MGAT4C: variants seen among roughly 807,000 people sequenced by gnomAD.
The protein encoded by MGAT4C is alpha-1,3-mannosyl-glycoprotein 4-beta-N-acetylglucosaminyltransferase C.
Under a neutral mutation model 40.1 loss-of-function variants are expected in MGAT4C, and 19 were observed. That is an observed-to-expected ratio of 0.47 (90% CI 0.33 to 0.70). MGAT4C has a LOEUF of 0.70. Among genes scored for constraint, MGAT4C ranks in the 30% least tolerant of loss-of-function variants. The probability of loss-of-function intolerance (pLI) is 0.02; values close to 1 mark genes in which losing one functional copy is unlikely to be tolerated. For missense variants in MGAT4C, 491 were observed against 563.2 expected (o/e 0.87, Z 1.30); for synonymous variants, 181 against 187.1 (o/e 0.97, Z 0.27).
chr12:86,349,515 C>T (rs1955112366), intron 3 of MGAT4C, among the ~76,000 whole-genome samples: 1 of 152,166 alleles, frequency 6.6e-6, no homozygotes, highest in Admixed American at 6.6e-5. Flanking sequence ...TTTCTAGCCA[C>T]ATTCTGCAGA....
chr12:86,494,353 A>T (rs1958197534), intron 2 of MGAT4C, among the ~76,000 whole-genome samples: 1 of 151,922 alleles, frequency 6.6e-6, no homozygotes, highest in Non-Finnish European at 1.5e-5. Flanking sequence ...TATTTGATAA[A>T]ATTCAAATAC....
At chr12:86,080,056 C>T (rs187918436) in intron 1 of MGAT4C, among the ~76,000 whole-genome samples, 10 of 152,144 alleles carry the variant, frequency 6.6e-5, no homozygotes, top group East Asian at 1.9e-4. Flanking sequence ...TGTTCTGTTA[C>T]GCTAGAGGGC....
At chr12:86,064,770 C>T (rs1426976767) in intron 1 of MGAT4C, among the ~76,000 whole-genome samples, 1 of 151,996 alleles carries the variant, frequency 6.6e-6, no homozygotes, top group Admixed American at 6.6e-5. Context: ...TCAATAAATC[C>T]AGGAGCTGGT....
At chr12:86,572,390 C>A (rs1472110722) in intron 2 of MGAT4C, among the ~76,000 whole-genome samples, 1 of 151,978 alleles carries the variant, frequency 6.6e-6, no homozygotes, top group African/African-American at 2.4e-5. Context: ...TTTCTATAAC[C>A]AATATGTCTC....
chr12:86,316,848 C>T (rs147943727), intron 4 of MGAT4C, among the ~76,000 whole-genome samples: 2,949 of 152,070 alleles, frequency 0.019, 41 homozygotes, highest in South Asian at 0.05. Context: ...TGCCTACGTA[C>T]CACTCATTCT....
At chr12:86,365,907 T>C (rs899482038) in intron 3 of MGAT4C, among the ~76,000 whole-genome samples, 3 of 152,172 alleles carry the variant, frequency 2.0e-5, no homozygotes, top group Non-Finnish European at 2.9e-5. Flanking sequence ...TAGAATAGGT[T>C]TTTCTAGTTC....
intron 1 of MGAT4C, among the ~76,000 whole-genome samples, chr12:86,123,844 A>T (rs774082957): frequency 6.6e-6 from 1 of 152,066 alleles, no homozygotes; most frequent in Non-Finnish European, 1.5e-5. Context: ...AATACGGACG[A>T]AGGATAGGCT....
intron 3 of MGAT4C, among the ~76,000 whole-genome samples, chr12:86,424,326 C>T (rs1193413679): frequency 6.6e-6 from 1 of 152,210 alleles, no homozygotes; most frequent in Non-Finnish European, 1.5e-5. Flanking sequence ...CTCTTCCAAT[C>T]ATCACAGGAA....
At chr12:86,637,804 A>G (rs552658083) in intron 2 of MGAT4C, among the ~76,000 whole-genome samples, 1 of 152,048 alleles carries the variant, frequency 6.6e-6, no homozygotes, top group African/African-American at 2.4e-5. Flanking sequence ...GACAGATCAT[A>G]CCCACGTTAT....
intron 1 of MGAT4C, among the ~76,000 whole-genome samples, chr12:86,748,878 A>C (rs558357759): frequency 6.6e-6 from 1 of 151,684 alleles, no homozygotes; most frequent in African/African-American, 2.4e-5. Context: ...CACAATAGTT[A>C]TTAATATTTA....
chr12:86,688,132 T>C (rs1261595897), intron 2 of MGAT4C, among the ~76,000 whole-genome samples: 1 of 151,006 alleles, frequency 6.6e-6, no homozygotes, highest in East Asian at 2.0e-4. Flanking sequence ...GTCCATTTTA[T>C]CAGAGACTAG....
chr12:86,671,313 G>T (rs1484610553), intron 2 of MGAT4C, among the ~76,000 whole-genome samples: 4 of 152,112 alleles, frequency 2.6e-5, no homozygotes, highest in Non-Finnish European at 5.9e-5. Flanking sequence ...AATGAGTGCT[G>T]GCAGCGAGCT....
chr12:86,156,382 A>G (rs1156799109), intron 1 of MGAT4C, among the ~76,000 whole-genome samples: 3 of 152,076 alleles, frequency 2.0e-5, no homozygotes, highest in Non-Finnish European at 4.4e-5. Flanking sequence ...GAGTGCAATG[A>G]CACAATCTCG....
At chr12:86,665,019 A>ACGTAGAG (rs1464024609) in intron 2 of MGAT4C, among the ~76,000 whole-genome samples, 1 of 152,102 alleles carries the variant, frequency 6.6e-6, no homozygotes, top group Admixed American at 6.6e-5. Flanking sequence ...GCCTTCAGTC[A>ACGTAGAG]CGTAGAGTAG....
intron 1 of MGAT4C, among the ~76,000 whole-genome samples, chr12:86,091,627 A>G (rs1872902302): frequency 6.6e-6 from 1 of 152,130 alleles, no homozygotes; most frequent in Non-Finnish European, 1.5e-5. Context: ...ATGCTGAGGG[A>G]TTGAAAGTCA....
intron 2 of MGAT4C, among the ~76,000 whole-genome samples, chr12:86,004,054 T>C (rs1330559701): frequency 6.6e-6 from 1 of 152,172 alleles, no homozygotes; most frequent in East Asian, 1.9e-4. Context: ...AAACAAATCT[T>C]AAGTGAAATC....
At chr12:86,724,036 A>G (rs1950780795) in intron 2 of MGAT4C, among the ~76,000 whole-genome samples, 1 of 152,210 alleles carries the variant, frequency 6.6e-6, no homozygotes, top group Admixed American at 6.5e-5. Context: ...GTTCGATACA[A>G]TACCCATGCA....
At chr12:86,721,771 A>T (rs1481165454) in intron 2 of MGAT4C, among the ~76,000 whole-genome samples, 1 of 152,152 alleles carries the variant, frequency 6.6e-6, no homozygotes, top group African/African-American at 2.4e-5. Context: ...GAACAAAAAA[A>T]CACACGCAGT....
intron 2 of MGAT4C, among the ~76,000 whole-genome samples, chr12:86,596,918 C>A (rs1961558403): frequency 6.6e-6 from 1 of 152,112 alleles, no homozygotes; most frequent in Admixed American, 6.5e-5. Context: ...AATTCCTGAC[C>A]ATAACAGCAT....
Sources: allele counts gnomAD v4.1 joint callset (sites outside exome capture counted in the v4.1 genomes callset), GRCh38; gene constraint gnomAD v4.1.1; transcripts MANE v1.5; gene names NCBI Gene and HGNC (gene_info 2026-07-23, HGNC 2026-07-21).